Variants in GPAA1 observed in about 807,000 individuals in gnomAD.
The protein encoded by GPAA1 is GPI-anchor transamidase component GPAA1.
A neutral mutation model predicts 64.0 loss-of-function variants in GPAA1; 54 were observed. That is an observed-to-expected ratio of 0.84 (90% CI 0.68 to 1.06). The LOEUF (loss-of-function observed/expected upper bound fraction) is 1.06, where lower values mean the gene tolerates loss of function less well. GPAA1 is among the 50% of genes least tolerant of loss of function. GPAA1 has a pLI of 0.00. For missense variants in GPAA1, 780 were observed against 822.3 expected, an observed-to-expected ratio of 0.95 and a Z score of 0.63; for synonymous variants, 393 against 377.3, an observed-to-expected ratio of 1.04 and a Z score of -0.48.
Position 144,085,701 on chromosome 8 carries a change from C to G in GPAA1, c.1580C>G (p.Thr527Ser). The G allele has an allele frequency of 6.2e-7, 1 of 1,613,462 alleles. No individual in the cohort carries two copies. The highest frequency in any genetic ancestry group is 8.5e-7 in the Non-Finnish European group (1 of 1,179,936). ...NFSLGFLLAT[T>S]MVPTAALAKP... ...TCACTGGGCTTCCTGCTGGCCACCA[C>G]CATGGTGCCCACTGCTGCGCTTGCC... The change falls in exon 11 of 12, where the codon ACC becomes AGC. Residue 527 changes from threonine to serine, a missense_variant. Transcript: ENST00000355091.
At position 144,085,122 on chromosome 8, in the gene GPAA1, C is replaced by T. The variant is rs532789731; in HGVS notation, c.1244C>T (p.Pro415Leu). ...EPGGAPGPSVPLPPSQGVGLA... is the reference protein window; with the variant it reads ...EPGGAPGPSVLLPPSQGVGLA... ...GGGGGTGCCCCTGGCCCCAGTGTACCCCTTCCCCCATCACAGGTGATGGCA... is the reference window on the plus strand; with the variant it reads ...GGGGGTGCCCCTGGCCCCAGTGTACTCCTTCCCCCATCACAGGTGATGGCA... The change falls in exon 9 of 12, where the codon CCC becomes CTC. Residue 415 changes from proline to leucine, a missense_variant. By Grantham distance (98) the Pro-to-Leu change is moderately conservative. Coordinates refer to ENST00000355091, the MANE Select transcript of GPAA1 (RefSeq NM_003801.4). 1.2e-5 allele frequency: 19 copies of T among 1,586,116 alleles called. No homozygotes were observed. The highest frequency in any genetic ancestry group is 1.6e-5 in the Non-Finnish European group (19 of 1,162,444).
chr8:144,082,700 A>G lies in GPAA1; in HGVS notation c.-31A>G. ...CCGCGGCGGTAGTTGGAGGCGGGAG[A>G]GGGTCCGTAGCCGCGCCGCCCTGCC... On this transcript the variant is annotated 5_prime_UTR_variant, in exon 1 of 12. Coordinates refer to ENST00000355091, the MANE Select transcript of GPAA1 (RefSeq NM_003801.4). The G allele has an allele frequency of 7.2e-7, 1 of 1,391,332 alleles. No homozygotes were observed. The highest frequency in any genetic ancestry group is 9.3e-7 in the Non-Finnish European group (1 of 1,071,526). 86.2% of individuals were successfully genotyped at this position (1,391,332 alleles called of 1,614,324 possible). A position where few individuals can be genotyped will look rare whatever the true frequency, so the allele number is the denominator to read the frequency against.
chr8:144,083,034 C>A, intron 1 of GPAA1, 90 bp from the exon 2 acceptor site: 1 of 1,235,826 alleles, frequency 8.1e-7, no homozygotes, highest in Non-Finnish European at 1.1e-6. Flanking sequence ...CCCAGACCCG[C>A]GCGATCGACC....
rs782157313 is a variant in GPAA1 at position 144,085,153 on chromosome 8, T to C, written c.1260+15T>C. The C allele has an allele frequency of 9.9e-6, 15 of 1,520,666 alleles. No individual in the cohort carries two copies. The South Asian group carries it at 1.8e-4, about 18-fold the overall frequency. The allele number at this position is 1,520,666 out of a possible 1,614,324, so 94.2% of individuals were successfully genotyped here. The stretch of plus-strand genomic sequence containing the variant: ...CCCCATCACAGGTGATGGCACCCCC[T>C]TCTGTTGTTGGAATGGGCTTCTGGG... On this transcript the variant is annotated intron_variant, in intron 9 of 11. Transcript: ENST00000355091.
At position 144,083,419 on chromosome 8, in the gene GPAA1, G is replaced by C; in HGVS notation, c.285G>C (p.Thr95=). Residue 95 remains threonine, a synonymous_variant, in exon 3 of 12, where the codon ACG becomes ACC. Transcript: ENST00000355091. ...GALPVAWLER[T]MRSVGLEVYT... ...TGCCAGTGGCCTGGCTTGAACGGACGATGCGGTCAGTAGGGCTGGAGGTCT... is the reference window on the plus strand; with the variant it reads ...TGCCAGTGGCCTGGCTTGAACGGACCATGCGGTCAGTAGGGCTGGAGGTCT... The C allele has an allele frequency of 1.2e-6, 2 of 1,613,696 alleles. No individual in the cohort carries two copies. Among genetic ancestry groups the C allele is most frequent in the Non-Finnish European group, 8.5e-7 (1 of 1,179,944 alleles).
In GPAA1 at chr8:144,085,287, A is replaced by G; in HGVS notation, c.1261-2A>G. 1.3e-6 allele frequency: 2 copies of G among 1,596,898 alleles called. No individual in the cohort carries two copies. The highest frequency in any genetic ancestry group is 8.5e-7 in the Non-Finnish European group (1 of 1,170,374). On this transcript the variant is annotated splice_acceptor_variant, in intron 9 of 11. Transcript: ENST00000355091. LOFTEE classifies it high-confidence loss of function. ...ATCTCCAAGAGCCTGTGTGCCCTGC[A>G]GGGTGTGGGGCTGGCCTCGCTCGTG... is the stretch of plus-strand genomic sequence containing the variant.
chr8:144,082,644 C>T lies in GPAA1; in HGVS notation c.-87C>T, dbSNP rs757694919. ...ACCGGAAGTGCGGGCGAGCGCGGGTCCCCGGGTCTGACAGGAGCAGCCTGT... is the reference window on the plus strand; with the variant it reads ...ACCGGAAGTGCGGGCGAGCGCGGGTTCCCGGGTCTGACAGGAGCAGCCTGT... On this transcript the variant is annotated 5_prime_UTR_variant, in exon 1 of 12. Transcript: ENST00000355091. 6.6e-5 allele frequency: 57 copies of T among 866,454 alleles called. No homozygotes were observed. Among genetic ancestry groups the T allele is most frequent in the Non-Finnish European group, 1.4e-5 (9 of 642,710 alleles). 53.7% of individuals were successfully genotyped at this position (866,454 alleles called of 1,614,324 possible).
chr8:144,083,983 C>G lies in GPAA1; in HGVS notation c.559C>G (p.His187Asp). Residue 187 changes from histidine to aspartate, a missense_variant, in exon 5 of 12, where the codon CAT becomes GAT. Transcript: ENST00000355091. ...AGATATCGTCTTCCTGGTAACAGAA[C>G]ATGACCTTCTGGGCACTGAGGCTTG... ...AKDIVFLVTEHDLLGTEAWLE... is the reference protein window; with the variant it reads ...AKDIVFLVTEDDLLGTEAWLE... 1 of 1,614,132 alleles carries G rather than the reference C, an allele frequency of 6.2e-7. No homozygotes were observed. The highest frequency in any genetic ancestry group is 1.3e-5 in the African/African-American group (1 of 75,048).
Position 144,084,036 on chromosome 8 carries a change from C to G in GPAA1, c.612C>G (p.Val204=). 6.2e-7 allele frequency: 1 copy of G among 1,611,834 alleles called. No homozygotes were observed. The highest frequency in any genetic ancestry group is 1.1e-5 in the South Asian group (1 of 91,026). Residue 204 remains valine, a synonymous_variant, in exon 5 of 12, where the codon GTC becomes GTG. Coordinates refer to ENST00000355091, the MANE Select transcript of GPAA1 (RefSeq NM_003801.4). ...TTGAAGCCTACCACGATGTCAATGT[C>G]ACTGGTAGGTTCTCTTGTCCTGCCT... ...AWLEAYHDVN[V]TGMQSSPLQG...
Position 144,083,251 on chromosome 8 carries a change from G to A in GPAA1, c.202G>A (p.Asp68Asn). ...GGTGGAGGAGCAGTTTGCGGGCGGA[G>A]ACCGTGCCCGGGCTTTTGCCCGGGA... ...TMVEEQFAGG[D>N]RARAFARDFA... The change falls in exon 2 of 12, where the codon GAC (aspartate) becomes AAC (asparagine). Residue 68 changes from aspartate (D) to asparagine (N), a missense_variant. By Grantham distance (23) the Asp-to-Asn change is conservative. Transcript: ENST00000355091. The A allele has an allele frequency of 6.2e-7, 1 of 1,606,884 alleles. No individual in the cohort carries two copies. Among genetic ancestry groups the A allele is most frequent in the African/African-American group, 1.3e-5 (1 of 74,826 alleles).
chr8:144,082,801 T>G lies in GPAA1; in HGVS notation c.71T>G (p.Leu24Trp). 1 of 1,463,690 alleles carries G rather than the reference T, an allele frequency of 6.8e-7. No individual in the cohort carries two copies. The highest frequency in any genetic ancestry group is 9.0e-7 in the Non-Finnish European group (1 of 1,114,164). The allele number at this position is 1,463,690 out of a possible 1,614,324, so 90.7% of individuals were successfully genotyped here. The change falls in exon 1 of 12, where the codon TTG (leucine) becomes TGG (tryptophan). Residue 24 changes from leucine (L) to tryptophan (W), a missense_variant. Physicochemically the swap from Leu to Trp is moderately conservative, Grantham distance 61. Transcript: ENST00000355091. The part of the protein sequence containing the change: ...ARLVLRLNAP[L>W]CVLSYVAGIA... ...CTAGTGCTGCGCCTCAACGCGCCGT[T>G]GTGGTGAGGACAGGGCCCGGGGAGG...
At chr8:144,082,902 T>A (rs1486280993) in intron 1 of GPAA1, 98 bp downstream of exon 1, 2 of 1,042,856 alleles carry the variant, frequency 1.9e-6, no homozygotes, top group Non-Finnish European at 2.6e-6. Context: ...CCGCTCCAGC[T>A]GCTCGCGCCC....
In GPAA1 at chr8:144,083,955, C is replaced by T. The variant is rs1554763942; in HGVS notation, c.531C>T (p.Ala177=). ...AAHFRGQIYW[A]KDIVFLVTEH... ...GGCCTCCAGGGCAGATTTATTGGGC[C>T]AAAGATATCGTCTTCCTGGTAACAG... is the stretch of plus-strand genomic sequence containing the variant. The change falls in exon 5 of 12, where the codon GCC becomes GCT. Residue 177 remains alanine, a synonymous_variant. Coordinates refer to ENST00000355091, the MANE Select transcript of GPAA1 (RefSeq NM_003801.4). 1 of 1,613,982 alleles carries T rather than the reference C, an allele frequency of 6.2e-7. No individual in the cohort carries two copies. Among genetic ancestry groups the T allele is most frequent in the African/African-American group, 1.3e-5 (1 of 75,006 alleles).
chr8:144,086,026 G>A lies in GPAA1; in HGVS notation c.1767G>A (p.Val589=), dbSNP rs2129949657. Residue 589 remains valine, a synonymous_variant, in exon 12 of 12, where the codon GTG becomes GTA. Coordinates refer to ENST00000355091, the MANE Select transcript of GPAA1 (RefSeq NM_003801.4). ...TCCTGGCAGCGCTAGCCCAGGGTGT[G>A]CTGGAGCACCACACCTACGGCGCCC... ...QLFLAALAQG[V]LEHHTYGALL... is the part of the protein sequence containing the mutation. The A allele has an allele frequency of 6.2e-7, 1 of 1,612,318 alleles. No homozygotes were observed. Among genetic ancestry groups the A allele is most frequent in the Non-Finnish European group, 8.5e-7 (1 of 1,179,968 alleles).
chr8:144,083,562 G>C, intron 3 of GPAA1, 62 bp downstream of exon 3: 1 of 1,456,836 alleles, frequency 6.9e-7, no homozygotes, highest in Non-Finnish European at 9.6e-7. Flanking sequence ...GGTCTGGGCT[G>C]GGTATCACCT....
Position 144,082,652 on chromosome 8 carries a change from C to T in GPAA1, c.-79C>T, listed in dbSNP as rs1193852854. The T allele has an allele frequency of 1.1e-6, 1 of 927,944 alleles. No homozygotes were observed. Among genetic ancestry groups the T allele is most frequent in the Non-Finnish European group, 1.4e-6 (1 of 698,248 alleles). The allele number at this position is 927,944 out of a possible 1,614,324, so 57.5% of individuals were successfully genotyped here. A position where few individuals can be genotyped will look rare whatever the true frequency, so the allele number is the denominator to read the frequency against. ...TGCGGGCGAGCGCGGGTCCCCGGGT[C>T]TGACAGGAGCAGCCTGTGGGCACCG... On this transcript the variant is annotated 5_prime_UTR_variant, in exon 1 of 12. Coordinates refer to ENST00000355091, the MANE Select transcript of GPAA1 (RefSeq NM_003801.4).
At position 144,084,173 on chromosome 8, in the gene GPAA1, T is replaced by C; in HGVS notation, c.656T>C (p.Ile219Thr). The C allele has an allele frequency of 6.2e-7, 1 of 1,613,366 alleles. No homozygotes were observed. Among genetic ancestry groups the C allele is most frequent in the Non-Finnish European group, 8.5e-7 (1 of 1,179,974 alleles). Residue 219 changes from isoleucine (I) to threonine (T), a missense_variant, in exon 6 of 12, where the codon ATT (isoleucine) becomes ACT (threonine). Transcript: ENST00000355091. ...CCCCTGCAGGGCCGAGCTGGGGCCA[T>C]TCAGGCAGCCGTGGCCCTGGAGCTG... ...SSPLQGRAGA[I>T]QAAVALELSS...
chr8:144,084,111 C>T lies in GPAA1; in HGVS notation c.617-23C>T, dbSNP rs1467355384. The T allele has an allele frequency of 1.9e-6, 3 of 1,611,792 alleles. No homozygotes were observed. In the African/African-American group the frequency reaches 4.0e-5, roughly 22 times the overall value. On this transcript the variant is annotated intron_variant, in intron 5 of 11. Transcript: ENST00000355091. Reference sequence around the variant, plus strand: ...CTGTCCTCACCACGTCCTCCATTAGCACTCATTCACTTGCTCCTACAGGCA... The same window carrying T: ...CTGTCCTCACCACGTCCTCCATTAGTACTCATTCACTTGCTCCTACAGGCA...
At position 144,086,006 on chromosome 8, in the gene GPAA1, G is replaced by C; in HGVS notation, c.1747G>C (p.Ala583Pro). 1.2e-6 allele frequency: 2 copies of C among 1,610,666 alleles called. No homozygotes were observed. Among genetic ancestry groups the C allele is most frequent in the Non-Finnish European group, 1.7e-6 (2 of 1,179,940 alleles). The change falls in exon 12 of 12, where the codon GCA becomes CCA. Residue 583 changes from alanine (A) to proline (P), a missense_variant. Coordinates refer to ENST00000355091, the MANE Select transcript of GPAA1 (RefSeq NM_003801.4). ...SLAEGWQLFLAALAQGVLEHH... is the reference protein window; with the variant it reads ...SLAEGWQLFLPALAQGVLEHH... The stretch of plus-strand genomic sequence containing the variant: ...GGCCGAGGGCTGGCAGCTCTTCCTG[G>C]CAGCGCTAGCCCAGGGTGTGCTGGA...
Sources: gnomAD v4.1 joint callset for allele counts on GRCh38, gnomAD v4.1.1 for gene constraint, MANE v1.5 for transcripts, NCBI Gene and HGNC (gene_info 2026-07-23, HGNC 2026-07-21) for gene names.